The following KAT6B variants were observed in gnomAD, a reference collection of about 807,000 sequenced individuals.
KAT6B encodes the protein histone acetyltransferase KAT6B.
In KAT6B, 10 loss-of-function variants were observed where a neutral mutation model predicts 187.5. The observed-to-expected ratio is 0.05, with a 90% CI of 0.03 to 0.09. The LOEUF is 0.09. KAT6B is among the 10% of genes least tolerant of loss of function. The pLI is 1.00. For missense variants in KAT6B, 1,952 were observed against 2,558.9 expected (o/e 0.76, Z 5.12); for synonymous variants, 861 against 926.8 (o/e 0.93, Z 1.29).
chr10:74,874,817 T>G (rs371501367), intron 3 of KAT6B, among the ~76,000 whole-genome samples: 30 of 150,122 alleles, frequency 2.0e-4, no homozygotes, highest in East Asian at 1.2e-3. Flanking sequence ...GTGTGTGGGG[T>G]GTGTGTGTGT....
intron 4 of KAT6B, among the ~76,000 whole-genome samples, chr10:74,965,458 A>G (rs534319255): frequency 3.3e-5 from 5 of 152,098 alleles, no homozygotes; most frequent in Admixed American, 2.6e-4. Flanking sequence ...CCTTTTCCTC[A>G]CTGTATCCAG....
chr10:74,984,938 C>T, intron 11 of KAT6B, 142 bp from the exon 12 acceptor site: 1 of 767,972 alleles, frequency 1.3e-6, no homozygotes, highest in East Asian at 2.7e-5. Flanking sequence ...TAAAGCTGTA[C>T]TTGCTTAATA....
At chr10:74,857,453 T>C (rs977543091) in intron 3 of KAT6B, among the ~76,000 whole-genome samples, 4 of 152,106 alleles carry the variant, frequency 2.6e-5, no homozygotes, top group African/African-American at 9.7e-5. Flanking sequence ...GCCTGGACAG[T>C]TTTTCAGCTT....
At chr10:74,991,123 T>C (rs993672921) in intron 13 of KAT6B, among the ~76,000 whole-genome samples, 3 of 152,188 alleles carry the variant, frequency 2.0e-5, no homozygotes, top group African/African-American at 7.2e-5. Flanking sequence ...TTATACCATA[T>C]TCTATATGGT....
Position 75,020,784 on chromosome 10 carries a change from C to G in KAT6B, c.2832C>G (p.His944Gln), listed in dbSNP as rs764005007. The change falls in exon 14 of 18, where the codon CAC becomes CAG. Residue 944 changes from histidine (H) to glutamine (Q), a missense_variant. Coordinates refer to ENST00000287239, the MANE Select transcript of KAT6B (RefSeq NM_012330.4). ...ATGACATTGCCACCACTCTGCAGCA[C>G]CTCCACATGATCGACAAGAGAGATG... ...CPHDIATTLQHLHMIDKRDGR... is the reference protein window; with the variant it reads ...CPHDIATTLQQLHMIDKRDGR... 6.2e-7 allele frequency: 1 copy of G among 1,614,146 alleles called. No homozygotes were observed. The highest frequency in any genetic ancestry group is 8.5e-7 in the Non-Finnish European group (1 of 1,180,044).
chr10:74,875,474 C>CTTTTTTTTT (rs553387866), intron 3 of KAT6B, among the ~76,000 whole-genome samples: 6 of 138,976 alleles, frequency 4.3e-5, no homozygotes, highest in Non-Finnish European at 1.6e-5. Flanking sequence ...TCCTTTTTTT[C>CTTTTTTTTT]TTTTTTTTTT....
chr10:75,012,352 T>C (rs1423693050), intron 13 of KAT6B, among the ~76,000 whole-genome samples: 1 of 151,750 alleles, frequency 6.6e-6, no homozygotes, highest in Admixed American at 6.6e-5. Context: ...GAGGCTGAGG[T>C]GGGAGGATTT....
chr10:74,844,641 G>A (rs1419497231), intron 3 of KAT6B, among the ~76,000 whole-genome samples: 2 of 152,124 alleles, frequency 1.3e-5, no homozygotes, highest in Non-Finnish European at 2.9e-5. Flanking sequence ...AAAATACTCT[G>A]ATTTCTTGGG....
At chr10:74,834,386 TGGA>T (rs1564894697) in intron 1 of KAT6B, among the ~76,000 whole-genome samples, 7 of 152,094 alleles carry the variant, frequency 4.6e-5, no homozygotes, top group Admixed American at 1.3e-4. Context: ...TTAGTAGAGA[TGGA>T]GTTTCACCAT....
rs147958556 is a variant in KAT6B, at chr10:74,980,511, T to C, written c.2231+1172T>C. ...TCTCCTTCCTTATACCATTTGGTTG[T>C]GTGTTCTTGAACAATTTTAAAAGAC... On this transcript the variant is annotated intron_variant, in intron 10 of 17. Transcript: ENST00000287239. Among the ~76,000 whole-genome samples the C allele has an allele frequency of 4.1e-3, 628 of 152,372 alleles. 5 individuals are homozygous for C. Among genetic ancestry groups the C allele is most frequent in the African/African-American group, 0.015 (608 of 41,592 alleles).
intron 4 of KAT6B, 34 bp downstream of exon 4, chr10:74,960,112 A>G: frequency 8.0e-7 from 1 of 1,252,790 alleles, no homozygotes; most frequent in Non-Finnish European, 1.2e-6. Context: ...TTGTACAATG[A>G]CTTCCCATTA....
intron 3 of KAT6B, among the ~76,000 whole-genome samples, chr10:74,877,718 G>T (rs1844527426): frequency 6.6e-6 from 1 of 152,172 alleles, no homozygotes; most frequent in African/African-American, 2.4e-5. Flanking sequence ...AAAAGAACAA[G>T]ATGTTGGTTT....
At chr10:74,877,621 G>T (rs7917040) in intron 3 of KAT6B, among the ~76,000 whole-genome samples, 4,812 of 152,008 alleles carry the variant, frequency 0.032, 154 homozygotes, top group East Asian at 0.11. Context: ...TTTTTTCAAA[G>T]CATCAAAAAT....
chr10:74,897,790 A>G (rs749096677), intron 3 of KAT6B, among the ~76,000 whole-genome samples: 1 of 152,230 alleles, frequency 6.6e-6, no homozygotes. Context: ...AAATGTCTTC[A>G]TAACTGCTTA....
chr10:75,026,230 G>C (rs1845828321), intron 17 of KAT6B: 1 of 150,602 alleles, frequency 6.6e-6, no homozygotes, highest in Non-Finnish European at 1.5e-5. Context: ...ATAAAAATCA[G>C]TAAACTGACT....
intron 14 of KAT6B, 94 bp from the exon 15 acceptor site, chr10:75,021,032 G>A (rs933058433): frequency 4.4e-5 from 55 of 1,263,630 alleles, no homozygotes; most frequent in African/African-American, 3.5e-4. Flanking sequence ...TTTTCCTAAC[G>A]CAGATAACAT....
At chr10:74,921,376 A>T (rs1434904379) in intron 3 of KAT6B, among the ~76,000 whole-genome samples, 1 of 152,084 alleles carries the variant, frequency 6.6e-6, no homozygotes, top group African/African-American at 2.4e-5. Flanking sequence ...GAACTCCCAA[A>T]GTGCTGGGAT....
At chr10:74,990,238 C>A (rs1162998811) in intron 13 of KAT6B, among the ~76,000 whole-genome samples, 2 of 140,418 alleles carry the variant, frequency 1.4e-5, no homozygotes, top group African/African-American at 5.2e-5. Context: ...AAGTCTGTCG[C>A]TAGGAACCAG....
intron 3 of KAT6B, among the ~76,000 whole-genome samples, chr10:74,888,470 A>G (rs923005976): frequency 5.3e-5 from 8 of 152,246 alleles, no homozygotes; most frequent in African/African-American, 1.7e-4. Flanking sequence ...CAAATGGCCA[A>G]TAAATACAAA....
Sources: allele counts gnomAD v4.1 joint callset (sites outside exome capture counted in the v4.1 genomes callset), GRCh38; gene constraint gnomAD v4.1.1; transcripts MANE v1.5; gene names NCBI Gene and HGNC (gene_info 2026-07-23, HGNC 2026-07-21).